The following HLCS variants were observed in gnomAD, a reference collection of about 807,000 sequenced individuals.
HLCS encodes holocarboxylase synthetase, also known as biotin--protein ligase.
In HLCS, 53 loss-of-function variants were observed where a neutral mutation model predicts 75.0. That is an observed-to-expected ratio of 0.71 (90% CI 0.57 to 0.89). The LOEUF (loss-of-function observed/expected upper bound fraction) is 0.89. Among genes scored for constraint, HLCS ranks in the 40% least tolerant of loss-of-function variants. HLCS has a pLI of 0.00. For synonymous variants in HLCS, 431 were observed against 428.6 expected, an observed-to-expected ratio of 1.01 and a Z score of -0.07; for missense variants, 966 against 1,074.0, an observed-to-expected ratio of 0.90 and a Z score of 1.41.
intron 6 of HLCS, among the ~76,000 whole-genome samples, chr21:36,815,239 T>C (rs2061627290): frequency 6.6e-6 from 1 of 152,042 alleles, no homozygotes; most frequent in Non-Finnish European, 1.5e-5. Flanking sequence ...ATGTTGGTCA[T>C]GCTGGTCTCG....
At chr21:36,767,535 C>T (rs139196501) in intron 6 of HLCS, among the ~76,000 whole-genome samples, 53 of 152,242 alleles carry the variant, frequency 3.5e-4, no homozygotes, top group African/African-American at 1.1e-3. Flanking sequence ...TGCGAGGGGG[C>T]GTGTGTACCT....
At chr21:36,925,051 T>A (rs567118833) in intron 5 of HLCS, among the ~76,000 whole-genome samples, 1 of 152,326 alleles carries the variant, frequency 6.6e-6, no homozygotes, top group East Asian at 1.9e-4. Flanking sequence ...TACAAGTATC[T>A]AAACTATCCT....
rs548277032 is a variant in HLCS, at chr21:36,853,941, A to G, written c.1892+42919T>C. Among the ~76,000 whole-genome samples, 7 of 152,338 alleles carry G rather than the reference A, an allele frequency of 4.6e-5. No individual in the cohort carries two copies. In the South Asian group the frequency reaches 1.2e-3, roughly 27 times the overall value. On this transcript the variant is annotated intron_variant, in intron 6 of 10. Transcript: ENST00000674895. ...AGAAAAGCATCCTGGAGTGATTAAT[A>G]AAAGACTTTTCAAGCATAAAAATGG...
chr21:36,876,615 T>C (rs889157229), intron 6 of HLCS, among the ~76,000 whole-genome samples: 5 of 152,234 alleles, frequency 3.3e-5, no homozygotes, highest in African/African-American at 1.2e-4. Flanking sequence ...GGACAGGGAA[T>C]ATACTCTGTG....
chr21:36,840,845 T>C (rs1351597329), intron 6 of HLCS, among the ~76,000 whole-genome samples: 1 of 152,130 alleles, frequency 6.6e-6, no homozygotes, highest in Non-Finnish European at 1.5e-5. Flanking sequence ...ACTCTTGACC[T>C]CAGGTGATCT....
upstream of HLCS, among the ~76,000 whole-genome samples, chr21:36,968,086 C>CA (rs1478655813): frequency 6.6e-6 from 1 of 152,104 alleles, no homozygotes; most frequent in East Asian, 1.9e-4. Context: ...GTGGCATAAT[C>CA]ACAGCTCTCT....
At chr21:36,976,521 T>C (rs892316005) in intron 1 of HLCS, among the ~76,000 whole-genome samples, 5 of 151,796 alleles carry the variant, frequency 3.3e-5, no homozygotes, top group African/African-American at 1.2e-4. Flanking sequence ...GAGGCAGAGG[T>C]TGCAGTGATC....
At chr21:36,926,014 T>C (rs1280474773) in intron 5 of HLCS, among the ~76,000 whole-genome samples, 3 of 152,226 alleles carry the variant, frequency 2.0e-5, no homozygotes, top group African/African-American at 7.2e-5. Flanking sequence ...TAAAGATGTA[T>C]TGCTGCTGAC....
chr21:36,940,054 CATAA>C (rs2067073125), intron 2 of HLCS, among the ~76,000 whole-genome samples: 3 of 152,102 alleles, frequency 2.0e-5, no homozygotes, highest in Admixed American at 2.0e-4. Flanking sequence ...ATCTCAAAAA[CATAA>C]ATAAATAAAT....
chr21:36,985,816 A>G (rs1295892938), intron 1 of HLCS, among the ~76,000 whole-genome samples: 4 of 151,830 alleles, frequency 2.6e-5, no homozygotes, highest in African/African-American at 9.7e-5. Context: ...CTGGTCCCTC[A>G]ATTTGTGTTT....
chr21:36,977,437 A>C lies in HLCS; in HGVS notation c.-393+12721T>G, dbSNP rs866901960. On this transcript the variant is annotated intron_variant, in intron 1 of 11. Coordinates refer to the HLCS transcript ENST00000336648. The stretch of plus-strand genomic sequence containing the variant: ...CTGCAAATGGGGGAGCCCCACTCCT[A>C]ATATGTTCATCATTGTCTTCCTAAC... 2.6e-5 allele frequency among the ~76,000 whole-genome samples: 4 copies of C among 152,296 alleles called. No homozygotes were observed. The Middle Eastern group carries it at 0.014, about 518-fold the overall frequency.
chr21:36,813,812 C>T (rs763887136), intron 6 of HLCS, among the ~76,000 whole-genome samples: 7 of 152,172 alleles, frequency 4.6e-5, no homozygotes, highest in South Asian at 2.1e-4. Context: ...TTTAGAAACA[C>T]CTGTAATACC....
Position 36,947,933 on chromosome 21 carries a change from A to C in HLCS, c.331-8939T>G, listed in dbSNP as rs995708448. 7 of 985,276 alleles carry C rather than the reference A, an allele frequency of 7.1e-6. No individual in the cohort carries two copies. In the African/African-American group the frequency reaches 1.2e-4, roughly 17 times the overall value. The allele number at this position is 985,276 out of a possible 1,614,324, so 61.0% of individuals were successfully genotyped here. A position where few individuals can be genotyped will look rare whatever the true frequency, so the allele number is the denominator to read the frequency against. On this transcript the variant is annotated intron_variant, in intron 2 of 10. Coordinates refer to ENST00000674895, the MANE Select transcript of HLCS (RefSeq NM_001352514.2). The stretch of plus-strand genomic sequence containing the variant: ...TTCCAAATCATCTTAATTCAACGTG[A>C]AATTGTTAAAAAGCTCTAGTAACAA...
Position 36,959,985 on chromosome 21 carries a change from G to T in HLCS, c.330+2051C>A, listed in dbSNP as rs557690631. Among the ~76,000 whole-genome samples the T allele has an allele frequency of 7.2e-5, 11 of 152,312 alleles. No homozygotes were observed. The South Asian group carries it at 2.3e-3, about 32-fold the overall frequency. On this transcript the variant is annotated intron_variant, in intron 2 of 10. Coordinates refer to ENST00000674895, the MANE Select transcript of HLCS (RefSeq NM_001352514.2). ...TCTAGGGGCTCCCCAAGCCAAGGCT[G>T]TAAACACCCTCTTTGGGGCTCTGCG... is the stretch of plus-strand genomic sequence containing the variant.
intron 6 of HLCS, among the ~76,000 whole-genome samples, chr21:36,774,220 C>T (rs960458817): frequency 3.9e-5 from 6 of 152,044 alleles, no homozygotes; most frequent in Non-Finnish European, 7.4e-5. Context: ...GGTGGCTGCC[C>T]CAGGACACTG....
chr21:36,906,049 C>CAAAAAAAA (rs71328521), intron 5 of HLCS, among the ~76,000 whole-genome samples: 8 of 92,852 alleles, frequency 8.6e-5, no homozygotes, highest in Non-Finnish European at 1.5e-4. Flanking sequence ...GACTCCATCT[C>CAAAAAAAA]AAAAAAAAAA....
chr21:36,938,573 C>G (rs1045989779), intron 3 of HLCS, among the ~76,000 whole-genome samples: 3 of 152,196 alleles, frequency 2.0e-5, no homozygotes, highest in African/African-American at 7.2e-5. Context: ...GATCATGGCT[C>G]ACTGTGGCCT....
chr21:36,768,950 G>A (rs533780547), intron 6 of HLCS, among the ~76,000 whole-genome samples: 3 of 152,128 alleles, frequency 2.0e-5, no homozygotes, highest in Non-Finnish European at 4.4e-5. Context: ...CAGGGCTCTC[G>A]AGGTGATGGG....
chr21:36,817,773 G>A (rs554391563), intron 6 of HLCS, among the ~76,000 whole-genome samples: 4 of 152,286 alleles, frequency 2.6e-5, no homozygotes, highest in South Asian at 2.1e-4. Context: ...TGTGTCAGAC[G>A]CTTTCAAAGT....
Sources: gnomAD v4.1 joint callset for allele counts (sites outside exome capture counted in the v4.1 genomes callset) on GRCh38, gnomAD v4.1.1 for gene constraint, MANE v1.5 for transcripts, NCBI Gene and HGNC (gene_info 2026-07-23, HGNC 2026-07-21) for gene names.